The following UBE2G1 variants were observed in gnomAD, a reference collection of about 807,000 sequenced individuals.
The protein encoded by UBE2G1 is ubiquitin-conjugating enzyme E2 G1.
A neutral mutation model predicts 22.7 loss-of-function variants in UBE2G1; 5 were observed. The ratio of observed to expected loss-of-function variants is 0.22; its 90% CI spans 0.12 to 0.46. The LOEUF (loss-of-function observed/expected upper bound fraction) is 0.46. UBE2G1 is among the 20% of genes least tolerant of loss of function. The probability of loss-of-function intolerance (pLI) is 0.99; values close to 1 mark genes in which losing one functional copy is unlikely to be tolerated. For synonymous variants in UBE2G1, 74 were observed against 67.5 expected, an observed-to-expected ratio of 1.10 and a Z score of -0.47; for missense variants, 88 against 203.9, an observed-to-expected ratio of 0.43 and a Z score of 3.46.
At chr17:4,280,336 CTTTTTTTTTTTTTTTTTT>C (rs71144178) in intron 5 of UBE2G1, among the ~76,000 whole-genome samples, 1 of 68,950 alleles carries the variant, frequency 1.5e-5, no homozygotes, top group Non-Finnish European at 2.6e-5. Context: ...GGCACCTGGG[CTTTTTTTTTTTTTTTTTT>C]TTTTTTTTTT....
intron 1 of UBE2G1, among the ~76,000 whole-genome samples, chr17:4,363,825 G>A (rs888288413): frequency 7.9e-5 from 12 of 151,584 alleles, no homozygotes; most frequent in Admixed American, 6.6e-4. Context: ...GGTGGCGGGC[G>A]CCTGTAGTCC....
intron 1 of UBE2G1, 84 bp from the exon 2 acceptor site, chr17:4,307,207 G>A: frequency 2.5e-6 from 3 of 1,185,710 alleles, no homozygotes; most frequent in Non-Finnish European, 3.7e-6. Context: ...GAGCGTACAT[G>A]TTTTATGTAA....
At chr17:4,286,404 C>CA (rs11312770) in intron 4 of UBE2G1, among the ~76,000 whole-genome samples, 1,521 of 117,366 alleles carry the variant, frequency 0.013, 8 homozygotes, top group African/African-American at 0.018. Context: ...GACTCTGTCT[C>CA]AAAAAAAAAA....
intron 5 of UBE2G1, among the ~76,000 whole-genome samples, chr17:4,277,829 G>A (rs1004636132): frequency 2.0e-5 from 3 of 152,000 alleles, no homozygotes; most frequent in Non-Finnish European, 1.5e-5. Flanking sequence ...ATAAAGCCGT[G>A]AGAAAAGCCA....
intron 1 of UBE2G1, among the ~76,000 whole-genome samples, chr17:4,323,765 C>T (rs1490752714): frequency 2.6e-5 from 4 of 152,080 alleles, no homozygotes; most frequent in African/African-American, 7.2e-5. Context: ...ATCATGGTCT[C>T]GAAGTGGGCT....
At chr17:4,302,597 C>A in intron 2 of UBE2G1, 1 of 394,834 alleles carries the variant, frequency 2.5e-6, no homozygotes. Context: ...TTCTATGTGA[C>A]TTTTATCTGT....
intron 5 of UBE2G1, among the ~76,000 whole-genome samples, chr17:4,276,320 G>A (rs1968820970): frequency 1.3e-5 from 2 of 151,712 alleles, no homozygotes; most frequent in African/African-American, 2.4e-5. Context: ...GATTACAGTC[G>A]CACACCACCG....
chr17:4,279,925 C>T (rs1274571943), intron 5 of UBE2G1, among the ~76,000 whole-genome samples: 2 of 151,520 alleles, frequency 1.3e-5, no homozygotes, highest in Non-Finnish European at 2.9e-5. Context: ...AACCTGAACA[C>T]GCAATTCACA....
At chr17:4,355,045 T>G (rs902757561) in intron 1 of UBE2G1, among the ~76,000 whole-genome samples, 1 of 152,196 alleles carries the variant, frequency 6.6e-6, no homozygotes, top group East Asian at 1.9e-4. Flanking sequence ...CGGGCCTTGA[T>G]GTTGCCACTG....
rs113195532 is a variant in UBE2G1 at position 4,357,917 on chromosome 17, C to G, written c.46+8354G>C. On this transcript the variant is annotated intron_variant, in intron 1 of 5. Transcript: ENST00000396981. ...GAGTTCAAAACCAGCCTGGGCAACA[C>G]AGCAAGACCCCATCTCTATTTTTAT... is the stretch of plus-strand genomic sequence containing the variant. 3.9e-3 allele frequency among the ~76,000 whole-genome samples: 588 copies of G among 151,942 alleles called. 2 individuals are homozygous for G. The highest frequency in any genetic ancestry group is 0.014 in the African/African-American group (570 of 41,432).
chr17:4,364,893 C>T (rs1036798043), intron 1 of UBE2G1, among the ~76,000 whole-genome samples: 1 of 152,176 alleles, frequency 6.6e-6, no homozygotes, highest in Admixed American at 6.5e-5. Flanking sequence ...CAGTGCTTTT[C>T]CAGCACATAA....
intron 1 of UBE2G1, among the ~76,000 whole-genome samples, chr17:4,315,725 G>C (rs996912844): frequency 2.7e-5 from 4 of 149,296 alleles, no homozygotes; most frequent in Non-Finnish European, 5.9e-5. Context: ...GGGCGAAAGA[G>C]CGAGACTCCA....
intron 1 of UBE2G1, among the ~76,000 whole-genome samples, chr17:4,349,095 G>C (rs1444529004): frequency 6.6e-6 from 1 of 152,094 alleles, no homozygotes; most frequent in African/African-American, 2.4e-5. Context: ...GGCCGAGGTG[G>C]GCAGATCACG....
At chr17:4,310,512 C>A (rs1331056264) in intron 1 of UBE2G1, among the ~76,000 whole-genome samples, 1 of 152,162 alleles carries the variant, frequency 6.6e-6, no homozygotes, top group East Asian at 1.9e-4. Context: ...TGAAATAGGG[C>A]AATCAGTATG....
chr17:4,279,833 G>A (rs1446767333), intron 5 of UBE2G1, among the ~76,000 whole-genome samples: 15 of 99,818 alleles, frequency 1.5e-4, no homozygotes, highest in African/African-American at 3.2e-4. Flanking sequence ...ATATATATAT[G>A]AACCTCAGTT....
chr17:4,282,948 T>C (rs112439294), intron 4 of UBE2G1, 27 bp from the exon 5 acceptor site: 1 of 1,575,090 alleles, frequency 6.3e-7, no homozygotes, highest in Non-Finnish European at 8.7e-7. Context: ...CAGTATCAAG[T>C]GATTTCATGC....
At chr17:4,280,361 TTTTGAGATG>T (rs1968873572) in intron 5 of UBE2G1, among the ~76,000 whole-genome samples, 1 of 105,256 alleles carries the variant, frequency 9.5e-6, no homozygotes. Context: ...TTTTTTTTTT[TTTTGAGATG>T]GAGTCTCGCT....
chr17:4,295,224 C>T (rs4448984), intron 3 of UBE2G1, among the ~76,000 whole-genome samples: 146,035 of 152,320 alleles, frequency 0.96, 70,333 homozygotes, highest in East Asian at 1. Flanking sequence ...AAGAGGCAAG[C>T]GTCACCCATT....
intron 5 of UBE2G1, among the ~76,000 whole-genome samples, chr17:4,277,263 T>G (rs1968831812): frequency 6.6e-6 from 1 of 152,324 alleles, no homozygotes; most frequent in Admixed American, 6.5e-5. Flanking sequence ...GACCACAGCC[T>G]TATGAGAGAC....
Sources: allele counts gnomAD v4.1 joint callset (sites outside exome capture counted in the v4.1 genomes callset), GRCh38; gene constraint gnomAD v4.1.1; transcripts MANE v1.5; gene names NCBI Gene and HGNC (gene_info 2026-07-23, HGNC 2026-07-21).